The following OSBPL8 variants were observed in gnomAD, a reference collection of about 807,000 sequenced individuals.
The protein encoded by OSBPL8 is oxysterol binding protein like 8.
OSBPL8 carries 59 observed loss-of-function variants against 125.5 expected under a neutral mutation model. The ratio of observed to expected loss-of-function variants is 0.47; its 90% CI spans 0.38 to 0.58. The LOEUF is 0.58. Among genes scored for constraint, OSBPL8 ranks in the 20% least tolerant of loss-of-function variants. The probability of loss-of-function intolerance (pLI) is 0.00; values close to 1 mark genes in which losing one functional copy is unlikely to be tolerated. For missense variants in OSBPL8, 758 were observed against 1,047.8 expected (o/e 0.72, Z 3.82); for synonymous variants, 330 against 338.9 (o/e 0.97, Z 0.29).
intron 2 of OSBPL8, among the ~76,000 whole-genome samples, chr12:76,478,276 A>G (rs1197824820): frequency 6.6e-6 from 1 of 152,164 alleles, no homozygotes; most frequent in East Asian, 1.9e-4. Context: ...TGGTCTCTGG[A>G]AAGTTCTACT....
intron 2 of OSBPL8, among the ~76,000 whole-genome samples, chr12:76,473,816 AC>A (rs1207737434): frequency 1.2e-4 from 18 of 152,294 alleles, no homozygotes; most frequent in Admixed American, 7.2e-4. Context: ...TTAAAGGTTC[AC>A]CCCTGGAGCC....
At chr12:76,386,114 A>C in intron 14 of OSBPL8, 54 bp downstream of exon 14, 1 of 1,558,564 alleles carries the variant, frequency 6.4e-7, no homozygotes, top group Non-Finnish European at 8.7e-7. Context: ...TTTCTATAAA[A>C]ATATTCCAAT....
At position 76,388,922 on chromosome 12, in the gene OSBPL8, A is replaced by G. The variant is rs888982701; in HGVS notation, c.1352+723T>C. On this transcript the variant is annotated intron_variant, in intron 12 of 23. Coordinates refer to ENST00000261183, the MANE Select transcript of OSBPL8 (RefSeq NM_020841.5). ...GAAAATAAGTCTTGATAAAGATTCTAAAAATTAGGTCGCAGGGCCAGATAT... is the reference window on the plus strand; with the variant it reads ...GAAAATAAGTCTTGATAAAGATTCTGAAAATTAGGTCGCAGGGCCAGATAT... 2.0e-5 allele frequency among the ~76,000 whole-genome samples: 3 copies of G among 152,158 alleles called. No homozygotes were observed. In the East Asian group the frequency reaches 5.8e-4, roughly 29 times the overall value.
intron 4 of OSBPL8, among the ~76,000 whole-genome samples, chr12:76,445,407 T>C (rs905426295): frequency 7.9e-5 from 12 of 152,078 alleles, no homozygotes; most frequent in Non-Finnish European, 8.8e-5. Context: ...AAACATCTGC[T>C]CTTAGAAAGA....
chr12:76,362,131 G>A (rs1023264997), intron 21 of OSBPL8, among the ~76,000 whole-genome samples: 1 of 152,040 alleles, frequency 6.6e-6, no homozygotes, highest in Non-Finnish European at 1.5e-5. Context: ...TTAAAATTTT[G>A]TAACATTTAA....
intron 1 of OSBPL8, among the ~76,000 whole-genome samples, chr12:76,509,955 G>C (rs1034817883): frequency 6.6e-6 from 1 of 152,136 alleles, no homozygotes; most frequent in Non-Finnish European, 1.5e-5. Flanking sequence ...GGAGCACAAA[G>C]GTAGGTAGAT....
chr12:76,416,567 G>A (rs1286600948), intron 4 of OSBPL8, among the ~76,000 whole-genome samples: 2 of 151,944 alleles, frequency 1.3e-5, no homozygotes, highest in African/African-American at 4.8e-5. Context: ...TATATTTTGA[G>A]GGCATATAAT....
intron 1 of OSBPL8, among the ~76,000 whole-genome samples, chr12:76,517,129 G>T (rs2137234168): frequency 6.6e-6 from 1 of 152,168 alleles, no homozygotes; most frequent in East Asian, 1.9e-4. Flanking sequence ...TCCATTTCTT[G>T]ATCTCATGGG....
intron 1 of OSBPL8, among the ~76,000 whole-genome samples, chr12:76,553,552 A>G (rs1951006199): frequency 1.3e-5 from 2 of 151,580 alleles, no homozygotes; most frequent in Admixed American, 1.3e-4. Context: ...ATTCGCCTGT[A>G]GTCCCAGCTA....
chr12:76,517,048 A>C (rs1389445748), intron 1 of OSBPL8, among the ~76,000 whole-genome samples: 1 of 152,044 alleles, frequency 6.6e-6, no homozygotes, highest in East Asian at 1.9e-4. Flanking sequence ...TCCTGACCTC[A>C]AGTGATCTGC....
At chr12:76,366,308 G>T (rs1952412877) in intron 21 of OSBPL8, among the ~76,000 whole-genome samples, 1 of 152,060 alleles carries the variant, frequency 6.6e-6, no homozygotes, top group South Asian at 2.1e-4. Context: ...TATGTAATTT[G>T]TGAGTTTCTA....
intron 1 of OSBPL8, among the ~76,000 whole-genome samples, chr12:76,556,256 T>C (rs1039422173): frequency 6.6e-6 from 1 of 152,172 alleles, no homozygotes; most frequent in Non-Finnish European, 1.5e-5. Flanking sequence ...ATTTACATTA[T>C]CTGGATCTTC....
At chr12:76,526,635 C>CTCTTTTTTTTTTT (rs1950182557) in intron 1 of OSBPL8, among the ~76,000 whole-genome samples, 2 of 64,246 alleles carry the variant, frequency 3.1e-5, no homozygotes, top group African/African-American at 1.1e-4. Flanking sequence ...CAGTAAATCT[C>CTCTTTTTTTTTTT]TTTTTTTTTT....
intron 6 of OSBPL8, among the ~76,000 whole-genome samples, chr12:76,401,501 T>A (rs932386958): frequency 6.6e-6 from 1 of 152,258 alleles, no homozygotes; most frequent in Admixed American, 6.5e-5. Context: ...AGTAGAAGTA[T>A]TATTATCCTT....
intron 1 of OSBPL8, among the ~76,000 whole-genome samples, chr12:76,495,119 C>T (rs1025382042): frequency 3.3e-5 from 5 of 152,048 alleles, no homozygotes; most frequent in Admixed American, 6.5e-5. Flanking sequence ...GAGCAGATAA[C>T]GAGAACGTAT....
At position 76,389,840 on chromosome 12, in the gene OSBPL8, T is replaced by TA; in HGVS notation, c.1168-12dup. On this transcript the variant is annotated splice_polypyrimidine_tract_variant and intron_variant, in intron 11 of 23. Transcript: ENST00000261183. Reference sequence around the variant, plus strand: ...AGAAGCCTCACCTGCCTTTATCAATTAATGAAAATTACCAAAACATTATAT... The same window carrying TA: ...AGAAGCCTCACCTGCCTTTATCAATTAAATGAAAATTACCAAAACATTATAT... The TA allele has an allele frequency of 6.8e-7, 1 of 1,468,346 alleles. No homozygotes were observed. Among genetic ancestry groups the TA allele is most frequent in the Non-Finnish European group, 9.1e-7 (1 of 1,103,302 alleles). The allele number at this position is 1,468,346 out of a possible 1,614,324, so 91.0% of individuals were successfully genotyped here.
chr12:76,480,890 G>A (rs1157238924), intron 2 of OSBPL8, among the ~76,000 whole-genome samples: 1 of 152,214 alleles, frequency 6.6e-6, no homozygotes. Flanking sequence ...CTCTGCAGAT[G>A]TGATTAGGTT....
At chr12:76,509,986 T>C (rs1880813516) in intron 1 of OSBPL8, among the ~76,000 whole-genome samples, 1 of 152,334 alleles carries the variant, frequency 6.6e-6, no homozygotes, top group South Asian at 2.1e-4. Context: ...ACACTGCCTC[T>C]TCCCAAAAAA....
At chr12:76,541,909 C>T (rs1388473428) in intron 1 of OSBPL8, among the ~76,000 whole-genome samples, 1 of 151,976 alleles carries the variant, frequency 6.6e-6, no homozygotes, top group Non-Finnish European at 1.5e-5. Flanking sequence ...CAGTGGCTCA[C>T]GCCTGCAATC....
Sources: gnomAD v4.1 joint callset for allele counts (sites outside exome capture counted in the v4.1 genomes callset) on GRCh38, gnomAD v4.1.1 for gene constraint, MANE v1.5 for transcripts, NCBI Gene and HGNC (gene_info 2026-07-23, HGNC 2026-07-21) for gene names.